Variants in RCSD1 observed in about 807,000 individuals in gnomAD.
RCSD1 encodes the protein capZ-interacting protein.
A neutral mutation model predicts 42.5 loss-of-function variants in RCSD1; 26 were observed. The observed-to-expected ratio is 0.61, with a 90% CI of 0.45 to 0.85. RCSD1 has a LOEUF of 0.85. Ranked by LOEUF, RCSD1 falls within the 40% of genes least tolerant of loss-of-function variation. RCSD1 has a pLI of 0.00. For synonymous variants in RCSD1, 220 were observed against 212.2 expected, an observed-to-expected ratio of 1.04 and a Z score of -0.32; for missense variants, 571 against 528.3, an observed-to-expected ratio of 1.08 and a Z score of -0.79.
chr1:167,654,859 G>A (rs1271139171), intron 1 of RCSD1, among the ~76,000 whole-genome samples: 2 of 152,002 alleles, frequency 1.3e-5, no homozygotes, highest in East Asian at 3.9e-4. Flanking sequence ...ATAGAAGACA[G>A]GACTAGGCTT....
chr1:167,691,681 T>C (rs1659380958), intron 4 of RCSD1, among the ~76,000 whole-genome samples: 1 of 152,210 alleles, frequency 6.6e-6, no homozygotes, highest in Non-Finnish European at 1.5e-5. Flanking sequence ...AGCCTAGGGA[T>C]TTGGATCCCA....
chr1:167,649,540 C>T (rs1268151050), intron 1 of RCSD1, among the ~76,000 whole-genome samples: 3 of 152,144 alleles, frequency 2.0e-5, no homozygotes, highest in African/African-American at 7.2e-5. Context: ...GATGGGGGGG[C>T]AGAAAGTTAC....
intron 5 of RCSD1, among the ~76,000 whole-genome samples, chr1:167,696,415 C>T (rs1659498636): frequency 6.6e-6 from 1 of 150,826 alleles, no homozygotes; most frequent in Non-Finnish European, 1.5e-5. Context: ...AGTCAAACAG[C>T]ATTTGAAGAA....
intron 1 of RCSD1, among the ~76,000 whole-genome samples, chr1:167,681,182 C>G (rs987543865): frequency 1.3e-5 from 2 of 152,262 alleles, no homozygotes; most frequent in Non-Finnish European, 2.9e-5. Flanking sequence ...TGCCAAGGCA[C>G]TTTCACAAAT....
At chr1:167,673,058 A>T (rs1326802301) in intron 1 of RCSD1, among the ~76,000 whole-genome samples, 1 of 152,206 alleles carries the variant, frequency 6.6e-6, no homozygotes, top group Non-Finnish European at 1.5e-5. Flanking sequence ...CTCAGGAAAG[A>T]GGCAGATCCA....
At position 167,644,430 on chromosome 1, in the gene RCSD1, G is replaced by A. The variant is rs180710301; in HGVS notation, c.6+14001G>A. Among the ~76,000 whole-genome samples, 157 of 152,238 alleles carry A rather than the reference G, an allele frequency of 1.0e-3. 3 individuals carry two copies. The highest frequency in any genetic ancestry group is 7.0e-3 in the East Asian group (36 of 5,178). ...GGAGGCAGAAGTTGCAGTAAGCCAA[G>A]ATCGCACCATTGCACTCCAGCCTGG... On this transcript the variant is annotated intron_variant, in intron 1 of 6. Transcript: ENST00000367854.
intron 1 of RCSD1, among the ~76,000 whole-genome samples, chr1:167,678,377 A>G (rs1032155288): frequency 5.9e-5 from 9 of 152,064 alleles, no homozygotes; most frequent in Admixed American, 5.9e-4. Flanking sequence ...TCATTGCCCA[A>G]CTAGCCCCAC....
At chr1:167,646,416 G>T (rs1295158264) in intron 1 of RCSD1, among the ~76,000 whole-genome samples, 1 of 146,396 alleles carries the variant, frequency 6.8e-6, no homozygotes, top group Non-Finnish European at 1.5e-5. Flanking sequence ...GGGCTTGGGA[G>T]TTATAGCCGA....
At chr1:167,663,339 G>T (rs1015182997) in intron 1 of RCSD1, among the ~76,000 whole-genome samples, 26 of 152,200 alleles carry the variant, frequency 1.7e-4, no homozygotes, top group African/African-American at 5.8e-4. Context: ...ACACCCCTGA[G>T]GCCAGCTGCA....
intron 1 of RCSD1, among the ~76,000 whole-genome samples, chr1:167,652,108 G>A (rs1658327184): frequency 1.4e-5 from 2 of 145,762 alleles, no homozygotes; most frequent in African/African-American, 5.1e-5. Context: ...TGCAATCTCT[G>A]CCACCCGGGT....
At chr1:167,638,228 T>C (rs1217878279) in intron 1 of RCSD1, among the ~76,000 whole-genome samples, 1 of 152,176 alleles carries the variant, frequency 6.6e-6, no homozygotes, top group Non-Finnish European at 1.5e-5. Flanking sequence ...TGATGAATAA[T>C]GGGAAATTCA....
intron 4 of RCSD1, among the ~76,000 whole-genome samples, chr1:167,693,630 G>A (rs1044152257): frequency 1.3e-5 from 2 of 152,220 alleles, no homozygotes; most frequent in East Asian, 1.9e-4. Context: ...ATTGTGCAAT[G>A]AGAACACAGC....
At position 167,687,701 on chromosome 1, in the gene RCSD1, T is replaced by A. The variant is rs545048410; in HGVS notation, c.198+2191T>A. Reference sequence around the variant, plus strand: ...CCTGCAGGGAGGGACCCGGTCAGGCTACCCCTCGGTTCCCAATGCACAGTG... The same window carrying A: ...CCTGCAGGGAGGGACCCGGTCAGGCAACCCCTCGGTTCCCAATGCACAGTG... On this transcript the variant is annotated intron_variant, in intron 3 of 6. Transcript: ENST00000367854. Among the ~76,000 whole-genome samples the A allele has an allele frequency of 8.5e-5, 13 of 152,332 alleles. No homozygotes were observed. The South Asian group carries it at 2.7e-3, about 32-fold the overall frequency.
At chr1:167,650,566 T>C (rs1658276210) in intron 1 of RCSD1, among the ~76,000 whole-genome samples, 1 of 152,174 alleles carries the variant, frequency 6.6e-6, no homozygotes, top group African/African-American at 2.4e-5. Context: ...AGGAGGCCTG[T>C]GCTCTCTAAC....
At chr1:167,638,856 G>A (rs1020721603) in intron 1 of RCSD1, among the ~76,000 whole-genome samples, 1 of 152,162 alleles carries the variant, frequency 6.6e-6, no homozygotes, top group Non-Finnish European at 1.5e-5. Context: ...TAAAGATGAC[G>A]AAATTGAACA....
At chr1:167,646,304 C>T (rs977969521) in intron 1 of RCSD1, among the ~76,000 whole-genome samples, 2 of 152,062 alleles carry the variant, frequency 1.3e-5, no homozygotes, top group African/African-American at 4.8e-5. Flanking sequence ...CACCACAGGC[C>T]TGGGTGGTGA....
intron 1 of RCSD1, among the ~76,000 whole-genome samples, chr1:167,656,401 A>G (rs937634850): frequency 6.6e-6 from 1 of 152,230 alleles, no homozygotes; most frequent in African/African-American, 2.4e-5. Context: ...TGTCGGGCAA[A>G]TGGAATGCTT....
intron 6 of RCSD1, among the ~76,000 whole-genome samples, chr1:167,699,222 G>A (rs952212744): frequency 9.2e-5 from 14 of 151,996 alleles, no homozygotes; most frequent in Admixed American, 4.6e-4. Context: ...AAAATTATTC[G>A]CCTCTTGTAT....
At chr1:167,652,479 C>G (rs1658336014) in intron 1 of RCSD1, among the ~76,000 whole-genome samples, 1 of 152,180 alleles carries the variant, frequency 6.6e-6, no homozygotes, top group South Asian at 2.1e-4. Context: ...GGTAAAGATA[C>G]AAGCAGTTGT....
Sources: allele counts gnomAD v4.1 joint callset (sites outside exome capture counted in the v4.1 genomes callset), GRCh38; gene constraint gnomAD v4.1.1; transcripts MANE v1.5; gene names NCBI Gene and HGNC (gene_info 2026-07-23, HGNC 2026-07-21).